DCX: variants seen among roughly 807,000 people sequenced by gnomAD.
DCX encodes the protein neuronal migration protein doublecortin.
A neutral mutation model predicts 20.9 loss-of-function variants in DCX; 4 were observed. That is an observed-to-expected ratio of 0.19 (90% CI 0.09 to 0.44). The LOEUF (loss-of-function observed/expected upper bound fraction) is 0.44. Ranked by LOEUF, DCX falls within the 20% of genes least tolerant of loss-of-function variation. The probability of loss-of-function intolerance (pLI) is 0.99; values close to 1 mark genes in which losing one functional copy is unlikely to be tolerated. For synonymous variants in DCX, 103 were observed against 111.4 expected (o/e 0.92, Z 0.47); for missense variants, 133 against 296.9 (o/e 0.45, Z 4.06).
intron 3 of DCX, among the ~76,000 whole-genome samples, chrX:111,383,191 C>T (rs1926114956): frequency 9.0e-6 from 1 of 111,325 alleles, no homozygotes; most frequent in South Asian, 3.8e-4. Context: ...CCTTTTCTTC[C>T]AGACATGATT....
At chrX:111,360,088 T>C (rs1310542538) in intron 3 of DCX, among the ~76,000 whole-genome samples, 3 of 112,183 alleles carry the variant, frequency 2.7e-5, no homozygotes, top group Non-Finnish European at 3.8e-5. Flanking sequence ...CAATAGGGAA[T>C]TGTTTAATAA....
chrX:111,307,866 TC>T (rs1427828347), intron 6 of DCX, among the ~76,000 whole-genome samples: 4 of 111,438 alleles, frequency 3.6e-5, no homozygotes, highest in African/African-American at 1.3e-4. Flanking sequence ...AGAAGATTGT[TC>T]CAGACCTTTA....
At chrX:111,304,192 A>G (rs765427633) in intron 6 of DCX, among the ~76,000 whole-genome samples, 1 of 112,390 alleles carries the variant, frequency 8.9e-6, no homozygotes, top group South Asian at 3.7e-4. Flanking sequence ...GAAGTACTGG[A>G]GTAAAGTGAA....
At chrX:111,360,988 T>G (rs1924159513) in intron 3 of DCX, among the ~76,000 whole-genome samples, 1 of 111,819 alleles carries the variant, frequency 8.9e-6, no homozygotes, top group Non-Finnish European at 1.9e-5. Context: ...TTTAAGATGT[T>G]CAGCAGCATC....
chrX:111,359,569 T>C (rs1354760658), intron 3 of DCX, among the ~76,000 whole-genome samples: 1 of 112,128 alleles, frequency 8.9e-6, no homozygotes, highest in African/African-American at 3.2e-5. Flanking sequence ...ACAAAAAAGA[T>C]GTGGTAAATA....
intron 5 of DCX, among the ~76,000 whole-genome samples, chrX:111,319,014 C>G: frequency 8.9e-6 from 1 of 112,177 alleles, no homozygotes; most frequent in Non-Finnish European, 1.9e-5. Context: ...ATTATGTTTA[C>G]AGAAGTGCAA....
intron 5 of DCX, among the ~76,000 whole-genome samples, chrX:111,326,704 G>C (rs1291092438): frequency 9.0e-6 from 1 of 111,644 alleles, no homozygotes; most frequent in Admixed American, 9.5e-5. Context: ...TACTTAACTT[G>C]AGTTTAGGGC....
chrX:111,364,022 G>T (rs992713285), intron 3 of DCX, among the ~76,000 whole-genome samples: 1 of 112,103 alleles, frequency 8.9e-6, no homozygotes, highest in African/African-American at 3.2e-5. Flanking sequence ...GCATGAAGAC[G>T]CAAGCACGGT....
In DCX at chrX:111,352,339, G is replaced by C. The variant is rs190935988; in HGVS notation, c.706-19186C>G. Reference sequence around the variant, plus strand: ...TCTTCACTCTCCACCTCTGACGATGGCTTTATTGCTTCCACCTATGAATCC... The same window carrying C: ...TCTTCACTCTCCACCTCTGACGATGCCTTTATTGCTTCCACCTATGAATCC... On this transcript the variant is annotated intron_variant, in intron 3 of 6. Transcript: ENST00000636035. Among the ~76,000 whole-genome samples the C allele has an allele frequency of 3.6e-5, 4 of 111,807 alleles. No individual in the cohort carries two copies. The East Asian group carries it at 1.1e-3, about 32-fold the overall frequency.
At chrX:111,347,335 C>T (rs1922914625) in intron 3 of DCX, among the ~76,000 whole-genome samples, 1 of 111,344 alleles carries the variant, frequency 9.0e-6, no homozygotes, top group Non-Finnish European at 1.9e-5. Flanking sequence ...AAAAACAACA[C>T]AATGTCACCC....
At position 111,297,105 on chromosome X, in the gene DCX, A is replaced by C. The variant is rs747304582; in HGVS notation, c.*4582T>G. 3 of 112,237 alleles carry C rather than the reference A, an allele frequency of 2.7e-5. No individual in the cohort carries two copies. The highest frequency in any genetic ancestry group is 3.8e-5 in the Non-Finnish European group (2 of 53,281). The allele number at this position is 112,237 out of a possible 1,213,427, so 9.2% of individuals were successfully genotyped here. ...AGCCCTTCAGTGAAGGCAATATATGAGTAAGGCCTGGAAATGGATCCAAGT... is the reference window on the plus strand; with the variant it reads ...AGCCCTTCAGTGAAGGCAATATATGCGTAAGGCCTGGAAATGGATCCAAGT... On this transcript the variant is annotated 3_prime_UTR_variant, in exon 7 of 7. Transcript: ENST00000636035.
In DCX at chrX:111,398,987, G is replaced by A. The variant is rs749762943; in HGVS notation, c.705+2003C>T. Reference sequence around the variant, plus strand: ...AAATTAGCCGGGTATTGCAGCGTGCGTCTGTAGTCCCAGCTACTTGGGAGG... The same window carrying A: ...AAATTAGCCGGGTATTGCAGCGTGCATCTGTAGTCCCAGCTACTTGGGAGG... On this transcript the variant is annotated intron_variant, in intron 3 of 6. Transcript: ENST00000636035. 8.1e-5 allele frequency among the ~76,000 whole-genome samples: 9 copies of A among 110,551 alleles called. 1 individual carries two copies. In the East Asian group the frequency reaches 1.7e-3, roughly 21 times the overall value.
At chrX:111,353,048 GGC>G (rs1923451242) in intron 3 of DCX, among the ~76,000 whole-genome samples, 1 of 112,143 alleles carries the variant, frequency 8.9e-6, no homozygotes, top group South Asian at 3.7e-4. Flanking sequence ...GATAATGTCT[GGC>G]TTGGCCATTT....
chrX:111,370,912 A>G (rs1249259779), intron 3 of DCX, among the ~76,000 whole-genome samples: 2 of 112,185 alleles, frequency 1.8e-5, no homozygotes, highest in Admixed American at 9.4e-5. Context: ...TTAAATGAAC[A>G]TTTTCAAACA....
At chrX:111,339,858 C>G (rs997338120) in intron 3 of DCX, among the ~76,000 whole-genome samples, 10 of 111,778 alleles carry the variant, frequency 8.9e-5, no homozygotes, top group Non-Finnish European at 1.7e-4. Context: ...CACAATTACC[C>G]AAACCAGAAA....
intron 3 of DCX, among the ~76,000 whole-genome samples, chrX:111,388,645 T>G (rs897356589): frequency 9.8e-5 from 11 of 112,354 alleles, no homozygotes; most frequent in African/African-American, 3.2e-4. Flanking sequence ...GTTACTAAAC[T>G]TATTTGACCA....
intron 3 of DCX, among the ~76,000 whole-genome samples, chrX:111,386,534 G>A (rs928805127): frequency 4.5e-5 from 5 of 111,270 alleles, no homozygotes; most frequent in Non-Finnish European, 7.5e-5. Flanking sequence ...TTGGTAAACC[G>A]TTAGGAAACA....
chrX:111,356,858 T>G, intron 3 of DCX, among the ~76,000 whole-genome samples: 1 of 112,001 alleles, frequency 8.9e-6, no homozygotes. Context: ...AGAGGATTAC[T>G]TAAGGCCAGG....
intron 3 of DCX, among the ~76,000 whole-genome samples, chrX:111,341,007 TAGA>T (rs1922175768): frequency 9.1e-6 from 1 of 110,416 alleles, no homozygotes; most frequent in Non-Finnish European, 1.9e-5. Context: ...GGCACAGAAT[TAGA>T]AGGAGGGTAA....
Sources: allele counts gnomAD v4.1 joint callset (sites outside exome capture counted in the v4.1 genomes callset), GRCh38; gene constraint gnomAD v4.1.1; transcripts MANE v1.5; gene names NCBI Gene and HGNC (gene_info 2026-07-23, HGNC 2026-07-21).